USP14: variants seen among roughly 807,000 people sequenced by gnomAD.
The protein encoded by USP14 is ubiquitin specific peptidase 14, also known as ubiquitin carboxyl-terminal hydrolase 14.
In USP14, 38 loss-of-function variants were observed where a neutral mutation model predicts 76.5. The observed-to-expected ratio is 0.50, with a 90% confidence interval of 0.38 to 0.65. The LOEUF (loss-of-function observed/expected upper bound fraction) is 0.65. USP14 is among the 30% of genes least tolerant of loss of function. The pLI is 0.00. For missense variants in USP14, 467 were observed against 586.5 expected, an observed-to-expected ratio of 0.80 and a Z score of 2.10; for synonymous variants, 192 against 191.7, an observed-to-expected ratio of 1.00 and a Z score of -0.01.
chr18:203,580 G>A (rs1488591324), intron 12 of USP14, among the ~76,000 whole-genome samples: 2 of 151,822 alleles, frequency 1.3e-5, no homozygotes, highest in Non-Finnish European at 2.9e-5. Context: ...GAGGTAGGGA[G>A]TGATAACTCT....
chr18:159,477 A>T (rs1909056169), intron 1 of USP14, among the ~76,000 whole-genome samples: 1 of 152,136 alleles, frequency 6.6e-6, no homozygotes, highest in South Asian at 2.1e-4. Flanking sequence ...GCCTTATTCA[A>T]AATGGCACCT....
chr18:205,958 C>T (rs1044212477), intron 13 of USP14, among the ~76,000 whole-genome samples: 1 of 152,160 alleles, frequency 6.6e-6, no homozygotes, highest in African/African-American at 2.4e-5. Flanking sequence ...TCACCATTCA[C>T]CTATTGAAGA....
At chr18:178,741 T>C (rs1393592321) in intron 3 of USP14, among the ~76,000 whole-genome samples, 192 bp from the exon 4 acceptor site, 1 of 152,164 alleles carries the variant, frequency 6.6e-6, no homozygotes, top group Non-Finnish European at 1.5e-5. Flanking sequence ...AGAAAGAAAC[T>C]TGTACCATTT....
intron 2 of USP14, among the ~76,000 whole-genome samples, chr18:165,730 G>A (rs1259944980): frequency 6.6e-6 from 1 of 152,128 alleles, no homozygotes; most frequent in African/African-American, 2.4e-5. Context: ...AGTTTTGTGT[G>A]ACCTTGGGTA....
intron 12 of USP14, among the ~76,000 whole-genome samples, chr18:203,548 C>G (rs1227684991): frequency 6.6e-6 from 1 of 152,004 alleles, no homozygotes; most frequent in African/African-American, 2.4e-5. Flanking sequence ...GATACTGATT[C>G]AGTAGGCTTG....
chr18:176,836 T>C (rs543689561), intron 3 of USP14, among the ~76,000 whole-genome samples: 1 of 152,128 alleles, frequency 6.6e-6, no homozygotes, highest in Non-Finnish European at 1.5e-5. Flanking sequence ...AGTATGTTTT[T>C]TCTAAAGTAT....
intron 1 of USP14, among the ~76,000 whole-genome samples, chr18:159,657 G>T (rs1402696580): frequency 6.6e-6 from 1 of 152,074 alleles, no homozygotes; most frequent in Non-Finnish European, 1.5e-5. Context: ...ATCTTGAATC[G>T]AATTCTTAAT....
intron 4 of USP14, among the ~76,000 whole-genome samples, 181 bp from the exon 5 acceptor site, chr18:180,055 A>G (rs1909743053): frequency 6.6e-6 from 1 of 151,324 alleles, no homozygotes; most frequent in Non-Finnish European, 1.5e-5. Context: ...GCATGATCCA[A>G]GTAAACTTTT....
intron 12 of USP14, among the ~76,000 whole-genome samples, chr18:204,177 T>A (rs1598279315): frequency 6.6e-6 from 1 of 152,090 alleles, no homozygotes; most frequent in African/African-American, 2.4e-5. Flanking sequence ...TACTTCTATG[T>A]AAAGTTGTAT....
intron 5 of USP14, among the ~76,000 whole-genome samples, chr18:184,492 G>A (rs1364713171): frequency 3.3e-5 from 5 of 152,118 alleles, no homozygotes; most frequent in Non-Finnish European, 5.9e-5. Flanking sequence ...GATGGCTCAC[G>A]CCTGTAATCC....
rs1173109657 is a variant in USP14, at chr18:192,842, G to A, written c.405G>A (p.Arg135=). Residue 135 remains arginine (R), a splice_region_variant and synonymous_variant, in exon 6 of 16, where the codon AGG becomes AGA. Coordinates refer to ENST00000261601, the MANE Select transcript of USP14 (RefSeq NM_005151.4). ...TTTAACTCGGCTTTAATGTTCCTAG[G>A]TATGCAGGTGCCTTGAGAGCTTCAG... ...SVPELKDALK[R]YAGALRASGE... 1 of 1,613,664 alleles carries A rather than the reference G, an allele frequency of 6.2e-7. No individual in the cohort carries two copies. The highest frequency in any genetic ancestry group is 1.1e-5 in the South Asian group (1 of 91,002).
intron 1 of USP14, 129 bp downstream of exon 1, chr18:158,843 G>T (rs1909030080): frequency 8.0e-7 from 1 of 1,243,930 alleles, no homozygotes; most frequent in Non-Finnish European, 1.0e-6. Flanking sequence ...GGGGCCGGCG[G>T]CGCGGAGATG....
chr18:208,516 G>T (rs985438867), intron 13 of USP14, among the ~76,000 whole-genome samples: 1 of 151,862 alleles, frequency 6.6e-6, no homozygotes, highest in Non-Finnish European at 1.5e-5. Context: ...TGCTTGCCTT[G>T]TGATATAAAT....
chr18:204,577 C>T lies in USP14; in HGVS notation c.1049C>T (p.Pro350Leu), dbSNP rs1320446179. ...NAKVLKDVKF[P>L]LMLDMYELCT... The stretch of plus-strand genomic sequence containing the variant: ...GTTTGTATATAGGATGTTAAATTTC[C>T]TCTTATGTTGGATATGTATGAACTG... Residue 350 changes from proline (P) to leucine (L), a missense_variant, in exon 13 of 16, where the codon CCT becomes CTT. Physicochemically the swap from Pro to Leu is moderately conservative, Grantham distance 98. Coordinates refer to ENST00000261601, the MANE Select transcript of USP14 (RefSeq NM_005151.4). 1.3e-6 allele frequency: 2 copies of T among 1,594,346 alleles called. No homozygotes were observed. The highest frequency in any genetic ancestry group is 1.8e-5 in the Admixed American group (1 of 55,144).
At chr18:171,021 A>ATATATATATAT (rs1555762320) in intron 3 of USP14, among the ~76,000 whole-genome samples, 2 of 84,548 alleles carry the variant, frequency 2.4e-5, no homozygotes, top group Non-Finnish European at 4.2e-5. Flanking sequence ...AAAAAAAAAA[A>ATATATATATAT]AAAAATATAT....
At chr18:167,195 T>A (rs1310834366) in intron 3 of USP14, among the ~76,000 whole-genome samples, 1 of 151,966 alleles carries the variant, frequency 6.6e-6, no homozygotes, top group Admixed American at 6.6e-5. Flanking sequence ...GGCAGGAGAA[T>A]CACTTGAACC....
chr18:188,514 T>TA (rs1224580070), intron 5 of USP14, among the ~76,000 whole-genome samples: 2 of 150,708 alleles, frequency 1.3e-5, no homozygotes, highest in Non-Finnish European at 2.9e-5. Flanking sequence ...TGGCTTTTTT[T>TA]TTTTTTTTTT....
chr18:202,822 A>G (rs1910418799), intron 10 of USP14, 58 bp from the exon 11 acceptor site: 1 of 1,555,426 alleles, frequency 6.4e-7, no homozygotes, highest in Non-Finnish European at 8.8e-7. Context: ...GTGATTCTAT[A>G]TTGCAGAAAT....
At chr18:178,194 A>AT in intron 3 of USP14, among the ~76,000 whole-genome samples, 1 of 152,096 alleles carries the variant, frequency 6.6e-6, no homozygotes, top group East Asian at 1.9e-4. Flanking sequence ...TAATATTGGT[A>AT]TTTTTTGTAG....
Sources: allele counts gnomAD v4.1 joint callset (sites outside exome capture counted in the v4.1 genomes callset), GRCh38; gene constraint gnomAD v4.1.1; transcripts MANE v1.5; gene names NCBI Gene and HGNC (gene_info 2026-07-23, HGNC 2026-07-21).